Variants in USP42 observed in about 807,000 individuals in gnomAD.
The protein encoded by USP42 is ubiquitin carboxyl-terminal hydrolase 42.
A neutral mutation model predicts 113.0 loss-of-function variants in USP42; 23 were observed. The observed-to-expected ratio is 0.20, with a 90% CI of 0.15 to 0.29. The LOEUF is 0.29. Among genes scored for constraint, USP42 ranks in the 10% least tolerant of loss-of-function variants. The probability of loss-of-function intolerance (pLI) is 1.00; values close to 1 mark genes in which losing one functional copy is unlikely to be tolerated. For missense variants in USP42, 2,174 were observed against 1,779.8 expected, an observed-to-expected ratio of 1.22 and a Z score of -3.99; for synonymous variants, 933 against 699.0, an observed-to-expected ratio of 1.33 and a Z score of -5.28.
the USP42 span, among the ~76,000 whole-genome samples, chr7:6,098,774 G>C: frequency 1.3e-4 from 19 of 150,082 alleles, 1 homozygote; most frequent in Admixed American, 6.6e-5. Context: ...TTGAACTCCT[G>C]ATTTCAAGTG....
In USP42 at chr7:6,154,627, C is replaced by G; in HGVS notation, c.3073C>G (p.Arg1025Gly). Residue 1025 changes from arginine (R) to glycine (G), a missense_variant, in exon 15 of 18, where the codon CGG (arginine) becomes GGG (glycine). Arg to Gly is a moderately radical substitution (Grantham distance 125). Coordinates refer to ENST00000306177, the MANE Select transcript of USP42 (RefSeq NM_032172.3). ...GTGCAGTCACCACCACTCCCGACACCGGAGCGGGGTGGAGCTGGACTGGGT... is the reference window on the plus strand; with the variant it reads ...GTGCAGTCACCACCACTCCCGACACGGGAGCGGGGTGGAGCTGGACTGGGT... ...GRCSHHHSRH[R>G]SGVELDWVRH... is the part of the protein sequence containing the mutation. 3.1e-6 allele frequency: 5 copies of G among 1,600,786 alleles called. No individual in the cohort carries two copies. The highest frequency in any genetic ancestry group is 4.3e-6 in the Non-Finnish European group (5 of 1,175,074).
rs1402301863 is a variant in USP42 at position 6,159,298 on chromosome 7, A to ACATCCCTG, written c.3944-150_3944-143dup. 6.6e-6 allele frequency among the ~76,000 whole-genome samples: 1 copy of ACATCCCTG among 152,212 alleles called. No homozygotes were observed. The highest frequency in any genetic ancestry group is 1.5e-5 in the Non-Finnish European group (1 of 68,044). On this transcript the variant is annotated intron_variant, in intron 16 of 17. Transcript: ENST00000306177. The surrounding 1 kb of genome is among the most constrained non-coding windows in gnomAD (Gnocchi z 4.1). ...CTGGGAGCAGCCGCTGAGCGCTGGG[A>ACATCCCTG]CATCCCTGCTCACCTCACTGGGGAG...
intron 3 of USP42, among the ~76,000 whole-genome samples, chr7:6,134,239 T>A (rs1205881600): frequency 1.3e-5 from 2 of 152,194 alleles, no homozygotes; most frequent in Non-Finnish European, 2.9e-5. Flanking sequence ...TCCTTGAACA[T>A]AGGAATATAT....
intron 3 of USP42, among the ~76,000 whole-genome samples, chr7:6,132,313 C>T (rs1224849426): frequency 2.0e-5 from 3 of 152,120 alleles, no homozygotes; most frequent in Non-Finnish European, 4.4e-5. Context: ...TCGTTTTTAC[C>T]TTTGTTCCTA....
intron 3 of USP42, among the ~76,000 whole-genome samples, chr7:6,131,375 G>T (rs941779080): frequency 2.6e-5 from 4 of 151,946 alleles, no homozygotes; most frequent in Middle Eastern, 3.2e-3. Flanking sequence ...CTCGAGAGAC[G>T]GGTGGGGAGA....
At chr7:6,105,256 A>G (rs1354306317) in intron 1 of USP42, among the ~76,000 whole-genome samples, 1 of 141,146 alleles carries the variant, frequency 7.1e-6, no homozygotes, top group African/African-American at 2.6e-5. Context: ...GCCGCTGGGG[A>G]GGGGGCGGCG....
intron 2 of USP42, among the ~76,000 whole-genome samples, chr7:6,112,800 A>G (rs574477867): frequency 3.3e-5 from 5 of 151,368 alleles, no homozygotes; most frequent in South Asian, 2.1e-4. Context: ...GCCCAAGACA[A>G]TTTGTCTTCC....
In USP42 at chr7:6,154,904, C is replaced by A. The variant is rs1381706901; in HGVS notation, c.3350C>A (p.Pro1117His). The part of the protein sequence containing the change: ...RERERHRPSS[P>H]RAGAPHALAP... The stretch of plus-strand genomic sequence containing the variant: ...AGGGAGCGGCACCGCCCCAGCAGCC[C>A]CCGCGCAGGCGCGCCCCACGCCCTC... Residue 1117 changes from proline to histidine, a missense_variant, in exon 15 of 18, where the codon CCC (proline) becomes CAC (histidine). Physicochemically the swap from Pro to His is moderately conservative, Grantham distance 77 (BLOSUM62 -2). Transcript: ENST00000306177. 3 of 1,545,130 alleles carry A rather than the reference C, an allele frequency of 1.9e-6. No homozygotes were observed.
chr7:6,107,248 T>A (rs1284295919), intron 1 of USP42, among the ~76,000 whole-genome samples: 1 of 152,170 alleles, frequency 6.6e-6, no homozygotes, highest in East Asian at 1.9e-4. Flanking sequence ...TTGGAGCAAA[T>A]AAAATGGTTT....
chr7:6,127,655 A>G (rs1193108698), intron 3 of USP42, among the ~76,000 whole-genome samples: 1 of 152,228 alleles, frequency 6.6e-6, no homozygotes, highest in Admixed American at 6.6e-5. Context: ...CACTCTACAC[A>G]AGTCCTTGTT....
At chr7:6,092,803 G>A in the USP42 span, among the ~76,000 whole-genome samples, 3 of 151,212 alleles carry the variant, frequency 2.0e-5, no homozygotes. Flanking sequence ...AGGAGACACC[G>A]GTCCTCAGAA....
At chr7:6,112,326 A>G (rs911342588) in intron 2 of USP42, among the ~76,000 whole-genome samples, 1 of 152,012 alleles carries the variant, frequency 6.6e-6, no homozygotes, top group African/African-American at 2.4e-5. Flanking sequence ...GTGTGTGCCT[A>G]TAATCCCAGC....
chr7:6,125,645 G>C (rs1413586829), intron 3 of USP42, among the ~76,000 whole-genome samples: 2 of 151,976 alleles, frequency 1.3e-5, no homozygotes, highest in Non-Finnish European at 2.9e-5. Flanking sequence ...GTTTTAGATA[G>C]TTTAAAGCTT....
At chr7:6,125,891 A>G (rs748877135) in intron 3 of USP42, among the ~76,000 whole-genome samples, 25 of 151,768 alleles carry the variant, frequency 1.6e-4, no homozygotes, top group Non-Finnish European at 2.9e-4. Flanking sequence ...TGTGGTAACT[A>G]GATTCACATG....
intron 3 of USP42, among the ~76,000 whole-genome samples, chr7:6,123,983 C>G (rs976238857): frequency 6.6e-6 from 1 of 152,048 alleles, no homozygotes; most frequent in Non-Finnish European, 1.5e-5. Flanking sequence ...TCAACTCTGC[C>G]TCCTGCCTCG....
At chr7:6,146,595 G>A (rs1052818193) in intron 11 of USP42, among the ~76,000 whole-genome samples, 3 of 152,052 alleles carry the variant, frequency 2.0e-5, no homozygotes, top group Non-Finnish European at 4.4e-5. Context: ...GCCTGGGGAG[G>A]CCGAGGCTGC....
chr7:6,132,225 G>C (rs1008533269), intron 3 of USP42, among the ~76,000 whole-genome samples: 1 of 152,076 alleles, frequency 6.6e-6, no homozygotes, highest in Non-Finnish European at 1.5e-5. Context: ...CACCTGGCCC[G>C]TTCTTTTTCT....
rs754800264 is a variant in USP42, at chr7:6,149,820, C to A, written c.1624C>A (p.His542Asn). The part of the protein sequence containing the change: ...VRQCQSQPNL[H>N]SNSLENPTKP... Reference sequence around the variant, plus strand: ...CCAGTGTCAGTCTCAACCTAACCTTCATAGTAATTCTTTGGAGAACCCTAC... The same window carrying A: ...CCAGTGTCAGTCTCAACCTAACCTTAATAGTAATTCTTTGGAGAACCCTAC... Residue 542 changes from histidine (H) to asparagine (N), a missense_variant, in exon 13 of 18, where the codon CAT becomes AAT. Transcript: ENST00000306177. The A allele has an allele frequency of 2.5e-6, 4 of 1,614,054 alleles. No individual in the cohort carries two copies. In the Admixed American group the frequency reaches 6.7e-5, roughly 27 times the overall value.
chr7:6,104,123 G>C (rs923233313), upstream of USP42, among the ~76,000 whole-genome samples: 3 of 151,348 alleles, frequency 2.0e-5, no homozygotes, highest in African/African-American at 7.4e-5. Flanking sequence ...CGCCCAGGCT[G>C]GAGGGCTGCA....
Sources: allele counts gnomAD v4.1 joint callset (sites outside exome capture counted in the v4.1 genomes callset), GRCh38; gene constraint gnomAD v4.1.1; non-coding constraint Gnocchi (gnomAD v3.1); transcripts MANE v1.5; gene names NCBI Gene and HGNC (gene_info 2026-07-23, HGNC 2026-07-21).